Variants in USP46 observed in about 807,000 individuals in gnomAD.
USP46 encodes ubiquitin specific peptidase 46, also known as ubiquitin carboxyl-terminal hydrolase 46.
A neutral mutation model predicts 44.4 loss-of-function variants in USP46; 12 were observed. The ratio of observed to expected loss-of-function variants is 0.27; its 90% CI spans 0.17 to 0.44. USP46 has a LOEUF of 0.44. Among genes scored for constraint, USP46 ranks in the 20% least tolerant of loss-of-function variants. The pLI, the probability that USP46 is intolerant of heterozygous loss-of-function variation, is 1.00. For synonymous variants in USP46, 155 were observed against 161.5 expected (o/e 0.96, Z 0.31); for missense variants, 248 against 444.8 (o/e 0.56, Z 3.98).
intron 1 of USP46, among the ~76,000 whole-genome samples, chr4:52,653,507 A>C (rs1718843627): frequency 6.6e-6 from 1 of 151,678 alleles, no homozygotes; most frequent in Non-Finnish European, 1.5e-5. Flanking sequence ...AAAAAAAAAA[A>C]AAAAAAAAAA....
intron 4 of USP46, among the ~76,000 whole-genome samples, chr4:52,624,550 A>T (rs1202321645): frequency 6.6e-6 from 1 of 152,218 alleles, no homozygotes; most frequent in Non-Finnish European, 1.5e-5. Flanking sequence ...GTTTAAAAGC[A>T]TGGAAGAAAG....
At chr4:52,649,750 T>C (rs973442307) in intron 1 of USP46, among the ~76,000 whole-genome samples, 11 of 152,234 alleles carry the variant, frequency 7.2e-5, no homozygotes, top group African/African-American at 2.7e-4. Context: ...CAACCACATA[T>C]GTGCTAGGCA....
At position 52,604,515 on chromosome 4, in the gene USP46, T is replaced by C. The variant is rs1202462238; in HGVS notation, c.708A>G (p.Gln236=). ...TCTTTACCTACCTTTTCTGGGCTTCTTGTTTGCTGCAGCATGTTTCACAAT... is the reference window on the plus strand; with the variant it reads ...TCTTTACCTACCTTTTCTGGGCTTCCTGTTTGCTGCAGCATGTTTCACAAT... ...KYYCETCCSK[Q]EAQKRMRVKK... Residue 236 remains glutamine (Q), a synonymous_variant, in exon 6 of 9, where the codon CAA becomes CAG. Coordinates refer to ENST00000441222, the MANE Select transcript of USP46 (RefSeq NM_022832.4). 11 of 1,612,218 alleles carry C rather than the reference T, an allele frequency of 6.8e-6. No individual in the cohort carries two copies. The Admixed American group carries it at 1.8e-4, about 27-fold the overall frequency.
chr4:52,626,156 TTTC>T lies in USP46; in HGVS notation c.420_422del (p.Lys141del), dbSNP rs1231219630. On this transcript the variant is annotated inframe_deletion, in exon 4 of 9. Transcript: ENST00000441222. ...TTAATTTTCCATTTTGTTTTTCCTG[TTTC>T]TTCTCCTCCTGAAGGATGTCCGCAA... 6.2e-7 allele frequency: 1 copy of T among 1,613,792 alleles called. No individual in the cohort carries two copies. The highest frequency in any genetic ancestry group is 8.5e-7 in the Non-Finnish European group (1 of 1,179,856).
In USP46 at chr4:52,595,311, C is replaced by T. The variant is rs187296326; in HGVS notation, c.*2329G>A. 1.2e-4 allele frequency: 19 copies of T among 152,582 alleles called. No individual in the cohort carries two copies. Among genetic ancestry groups the T allele is most frequent in the Admixed American group, 1.2e-3 (18 of 15,282 alleles). 9.5% of individuals were successfully genotyped at this position (152,582 alleles called of 1,614,324 possible). A position where few individuals can be genotyped will look rare whatever the true frequency, so the allele number is the denominator to read the frequency against. ...ATGATTGGGAGAAACCTGCAGCTGC[C>T]CAGTGTTTGTTTCATTTATTGAGAA... On this transcript the variant is annotated 3_prime_UTR_variant, in exon 9 of 9. Transcript: ENST00000441222.
chr4:52,636,319 G>T (rs1718113693), intron 1 of USP46, among the ~76,000 whole-genome samples: 1 of 152,122 alleles, frequency 6.6e-6, no homozygotes, highest in African/African-American at 2.4e-5. Context: ...CCTCCCAGAA[G>T]AACACAGCCT....
intron 6 of USP46, 116 bp downstream of exon 6, chr4:52,604,385 G>T: frequency 1.1e-5 from 9 of 794,816 alleles, no homozygotes; most frequent in Non-Finnish European, 1.6e-5. Flanking sequence ...CTTCCCCAAG[G>T]CTCCATGGCT....
intron 7 of USP46, among the ~76,000 whole-genome samples, chr4:52,598,980 C>T (rs1285485523): frequency 3.9e-5 from 6 of 152,320 alleles, no homozygotes; most frequent in Admixed American, 2.6e-4. Flanking sequence ...TTACTCTCTA[C>T]GTATTCTGTG....
chr4:52,621,509 A>C (rs1007150005), intron 4 of USP46, among the ~76,000 whole-genome samples: 1 of 152,116 alleles, frequency 6.6e-6, no homozygotes, highest in African/African-American at 2.4e-5. Context: ...TACAAAAATT[A>C]GCCGGGCGTG....
chr4:52,648,781 C>T (rs536257053), intron 1 of USP46, among the ~76,000 whole-genome samples: 52 of 152,338 alleles, frequency 3.4e-4, no homozygotes, highest in African/African-American at 1.2e-3. Context: ...CATACTGAAA[C>T]TCTGCATTTA....
At chr4:52,654,952 G>A (rs573705943) in intron 1 of USP46, among the ~76,000 whole-genome samples, 4 of 152,208 alleles carry the variant, frequency 2.6e-5, no homozygotes, top group East Asian at 1.9e-4. Context: ...AAAAACTAAG[G>A]TCTCCGGAAA....
chr4:52,637,023 T>A (rs1718144500), intron 1 of USP46, among the ~76,000 whole-genome samples: 1 of 152,072 alleles, frequency 6.6e-6, no homozygotes, highest in Admixed American at 6.5e-5. Flanking sequence ...TTGCTCAGGC[T>A]AGTCTCAAAC....
rs368404668 is a variant in USP46, at chr4:52,601,996, T to C, written c.781A>G (p.Met261Val). 2 of 1,613,880 alleles carry C rather than the reference T, an allele frequency of 1.2e-6. No homozygotes were observed. The highest frequency in any genetic ancestry group is 1.7e-5 in the Admixed American group (1 of 60,014). ...TTGGTGTATCTGTGCAGCTGCTCCA[T>C]GTACTTGAACCGCTTTAGGTGCAGG... ...LALHLKRFKY[M>V]EQLHRYTKLS... is the part of the protein sequence containing the mutation. The change falls in exon 7 of 9, where the codon ATG becomes GTG. Residue 261 changes from methionine to valine, a missense_variant. Physicochemically the swap from Met to Val is conservative, Grantham distance 21. Around this residue, in one of 5 missense-constraint regions of USP46, gnomAD observed 98 missense variants for 218.2 expected, o/e 0.45. Coordinates refer to ENST00000441222, the MANE Select transcript of USP46 (RefSeq NM_022832.4).
At chr4:52,627,865 G>C (rs775764130) in intron 3 of USP46, 85 bp downstream of exon 3, 2 of 1,396,770 alleles carry the variant, frequency 1.4e-6, no homozygotes, top group Non-Finnish European at 1.9e-6. Flanking sequence ...TCAAAAAAAT[G>C]CCAGCTCTTC....
intron 1 of USP46, among the ~76,000 whole-genome samples, chr4:52,641,565 A>T (rs968506798): frequency 2.6e-5 from 4 of 152,220 alleles, no homozygotes; most frequent in Non-Finnish European, 5.9e-5. Context: ...AAGGATGAAG[A>T]CGGCCTTGCC....
At chr4:52,608,917 T>A (rs1039833878) in intron 5 of USP46, among the ~76,000 whole-genome samples, 1 of 152,048 alleles carries the variant, frequency 6.6e-6, no homozygotes, top group Non-Finnish European at 1.5e-5. Flanking sequence ...GAAGGAGTCA[T>A]GGGGAGGGTC....
intron 1 of USP46, among the ~76,000 whole-genome samples, chr4:52,635,097 T>G (rs1718061080): frequency 6.7e-6 from 1 of 150,320 alleles, no homozygotes; most frequent in Non-Finnish European, 1.5e-5. Flanking sequence ...TTTTTTTTTT[T>G]GCCTCCTTAT....
intron 6 of USP46, among the ~76,000 whole-genome samples, chr4:52,603,896 G>A (rs984066509): frequency 3.3e-5 from 5 of 152,086 alleles, no homozygotes; most frequent in Admixed American, 1.3e-4. Flanking sequence ...TGTTGGCCAG[G>A]CTGGTCTCAA....
At position 52,627,931 on chromosome 4, in the gene USP46, T is replaced by C; in HGVS notation, c.331+19A>G. The C allele has an allele frequency of 6.2e-7, 1 of 1,603,504 alleles. No individual in the cohort carries two copies. The highest frequency in any genetic ancestry group is 1.1e-5 in the South Asian group (1 of 89,036). On this transcript the variant is annotated intron_variant, in intron 3 of 8. Transcript: ENST00000441222. Reference sequence around the variant, plus strand: ...CCTTATTTCAGAGGCTTAAATACATTATACTGCATACTACTCACCATTCTC... The same window carrying C: ...CCTTATTTCAGAGGCTTAAATACATCATACTGCATACTACTCACCATTCTC...
Sources: gnomAD v4.1 joint callset for allele counts (sites outside exome capture counted in the v4.1 genomes callset) on GRCh38, gnomAD v4.1.1 for gene constraint, gnomAD v4.1.1 regional missense constraint, MANE v1.5 for transcripts, NCBI Gene and HGNC (gene_info 2026-07-23, HGNC 2026-07-21) for gene names.